Variants in NDST1 observed in about 807,000 individuals in gnomAD.
NDST1 encodes bifunctional heparan sulfate N-deacetylase/N-sulfotransferase 1.
A neutral mutation model predicts 92.8 loss-of-function variants in NDST1; 35 were observed. The ratio of observed to expected loss-of-function variants is 0.38; its 90% CI spans 0.29 to 0.50. The LOEUF (loss-of-function observed/expected upper bound fraction) is 0.50. Ranked by LOEUF, NDST1 falls within the 20% of genes least tolerant of loss-of-function variation. The probability of loss-of-function intolerance (pLI) is 0.94; values close to 1 mark genes in which losing one functional copy is unlikely to be tolerated. For synonymous variants in NDST1, 493 were observed against 500.3 expected (o/e 0.99, Z 0.19); for missense variants, 822 against 1,182.7 (o/e 0.69, Z 4.47).
intron 1 of NDST1, among the ~76,000 whole-genome samples, chr5:150,516,692 G>A (rs1753981503): frequency 6.6e-6 from 1 of 152,132 alleles, no homozygotes; most frequent in Admixed American, 6.6e-5. Context: ...TTGAGACAGA[G>A]TCTCGCTCTA....
rs1294255266 is a variant in NDST1, at chr5:150,533,007, C to A, written c.1071C>A (p.Gly357=). 2 of 1,614,078 alleles carry A rather than the reference C, an allele frequency of 1.2e-6. No individual in the cohort carries two copies. The highest frequency in any genetic ancestry group is 2.7e-5 in the African/African-American group (2 of 74,908). ...AHIPNFTFNL[G]YSGKFFHTGT... ...TCCCAAACTTCACCTTCAACCTGGG[C>A]TACTCAGGGAAATTCTTCCACACAG... Residue 357 remains glycine (G), a synonymous_variant, in exon 4 of 15, where the codon GGC becomes GGA. Coordinates refer to ENST00000261797, the MANE Select transcript of NDST1 (RefSeq NM_001543.5).
chr5:150,543,980 A>T (rs541458381), intron 10 of NDST1, among the ~76,000 whole-genome samples: 2 of 152,252 alleles, frequency 1.3e-5, no homozygotes, highest in East Asian at 3.9e-4. Context: ...AGGTTTTGCC[A>T]TGTTGGTCAG....
In NDST1 at chr5:150,533,118, C is replaced by T. The variant is rs113924650; in HGVS notation, c.1096+86C>T. 4.5e-5 allele frequency: 60 copies of T among 1,346,964 alleles called. 2 individuals are homozygous for T. The highest frequency in any genetic ancestry group is 3.7e-4 in the African/African-American group (26 of 69,662). The allele number at this position is 1,346,964 out of a possible 1,614,324, so 83.4% of individuals were successfully genotyped here. On this transcript the variant is annotated intron_variant, in intron 4 of 14. Transcript: ENST00000261797. ...TCAAAGCACCCATCCATGAGGGCAGCGGGTGGGTTTACTGGCCCACATTAG... is the reference window on the plus strand; with the variant it reads ...TCAAAGCACCCATCCATGAGGGCAGTGGGTGGGTTTACTGGCCCACATTAG...
rs1329844489 is a variant in NDST1, at chr5:150,534,906, C to T, written c.1136C>T (p.Ser379Leu). 9.9e-6 allele frequency: 16 copies of T among 1,614,122 alleles called. No homozygotes were observed. The Admixed American group carries it at 2.2e-4, about 22-fold the overall frequency. ...AEDAGDDLLL[S>L]YVKEFWWFPH... is the part of the protein sequence containing the mutation. ...GACGCTGGGGATGATCTGCTGCTGTCGTATGTGAAGGAGTTCTGGTGGTTC... is the reference window on the plus strand; with the variant it reads ...GACGCTGGGGATGATCTGCTGCTGTTGTATGTGAAGGAGTTCTGGTGGTTC... Residue 379 changes from serine (S) to leucine (L), a missense_variant, in exon 5 of 15, where the codon TCG (serine) becomes TTG (leucine). Coordinates refer to ENST00000261797, the MANE Select transcript of NDST1 (RefSeq NM_001543.5).
intron 12 of NDST1, among the ~76,000 whole-genome samples, chr5:150,549,176 T>A (rs1056366973): frequency 5.3e-5 from 8 of 151,966 alleles, no homozygotes; most frequent in African/African-American, 1.7e-4. Context: ...CACGCCCAGA[T>A]AATTTTTGTA....
In NDST1 at chr5:150,521,649, G is replaced by C; in HGVS notation, c.395G>C (p.Arg132Pro). 6.2e-7 allele frequency: 1 copy of C among 1,614,084 alleles called. No homozygotes were observed. The highest frequency in any genetic ancestry group is 8.5e-7 in the Non-Finnish European group (1 of 1,180,040). Reference sequence around the variant, plus strand: ...ACGCTCACTGACAAGGGCCGTGGCCGCTTCGCCCTCATCATCTATGAGAAC... The same window carrying C: ...ACGCTCACTGACAAGGGCCGTGGCCCCTTCGCCCTCATCATCTATGAGAAC... ...MPTLTDKGRG[R>P]FALIIYENIL... Residue 132 changes from arginine to proline, a missense_variant, in exon 2 of 15, where the codon CGC becomes CCC. Arg to Pro is a moderately radical substitution (Grantham distance 103). Transcript: ENST00000261797. The surrounding 1 kb of genome is among the most constrained non-coding windows in gnomAD (Gnocchi z 5.9).
At chr5:150,540,386 A>G (rs1755190290) in intron 8 of NDST1, 122 bp downstream of exon 8, 1 of 1,076,096 alleles carries the variant, frequency 9.3e-7, no homozygotes, top group Non-Finnish European at 1.3e-6. Flanking sequence ...GCTCGAATGT[A>G]AACTCAGGTC....
chr5:150,520,652 C>T (rs566265638), intron 1 of NDST1, among the ~76,000 whole-genome samples: 1 of 152,332 alleles, frequency 6.6e-6, no homozygotes, highest in South Asian at 2.1e-4. Flanking sequence ...CCTCCAACCC[C>T]TTATGAGATG....
rs1754910757 is a variant in NDST1 at position 150,534,810 on chromosome 5, C to G, written c.1097-57C>G. The G allele has an allele frequency of 1.5e-5, 24 of 1,611,498 alleles. No individual in the cohort carries two copies. The South Asian group carries it at 1.9e-4, about 13-fold the overall frequency. On this transcript the variant is annotated intron_variant, in intron 4 of 14. Coordinates refer to ENST00000261797, the MANE Select transcript of NDST1 (RefSeq NM_001543.5). ...GCTCTCCCATCCCCAGGCACAGGCC[C>G]AGGTTAGAGGGCCTCATGGCCCAGT...
At position 150,540,267 on chromosome 5, in the gene NDST1, G is replaced by T. The variant is rs760521729; in HGVS notation, c.1749+3G>T. 12 of 1,598,780 alleles carry T rather than the reference G, an allele frequency of 7.5e-6. No homozygotes were observed. Among genetic ancestry groups the T allele is most frequent in the South Asian group, 1.1e-5 (1 of 89,240 alleles). On this transcript the variant is annotated splice_donor_region_variant and intron_variant, in intron 8 of 14. Transcript: ENST00000261797. ...AGGAGAAGGACCCGCTCTGGCAGGT[G>T]GGGGGCTGGGCAGCCTGGGCAGGTT...
At chr5:150,500,944 A>G (rs1429621072) in intron 1 of NDST1, among the ~76,000 whole-genome samples, 2 of 152,226 alleles carry the variant, frequency 1.3e-5, no homozygotes, top group African/African-American at 2.4e-5. Context: ...GGGCAGTGGC[A>G]GATCATCTAG....
chr5:150,521,982 C>T lies in NDST1; in HGVS notation c.513+215C>T, dbSNP rs185942463. ...TTAGGGGAGCGTGCCAGGGGGATCG[C>T]CTGCTGTGCGTGGGGTCCAGCACAC... On this transcript the variant is annotated intron_variant, in intron 2 of 14. Transcript: ENST00000261797. This position sits in a 1 kb window ranked among gnomAD's most constrained non-coding sequence, Gnocchi z 5.9. Among the ~76,000 whole-genome samples, 746 of 152,264 alleles carry T rather than the reference C, an allele frequency of 4.9e-3. 3 individuals carry two copies. The highest frequency in any genetic ancestry group is 0.017 in the African/African-American group (720 of 41,546).
At chr5:150,552,889 C>T (rs114997080) in intron 14 of NDST1, among the ~76,000 whole-genome samples, 1,891 of 151,976 alleles carry the variant, frequency 0.012, 13 homozygotes, top group Non-Finnish European at 0.021. Flanking sequence ...TTTTGTCACC[C>T]AGGCTGGAGT....
In NDST1 at chr5:150,551,769, G is replaced by A; in HGVS notation, c.2443G>A (p.Gly815Arg). The A allele has an allele frequency of 1.2e-6, 2 of 1,613,292 alleles. No individual in the cohort carries two copies. Among genetic ancestry groups the A allele is most frequent in the Non-Finnish European group, 1.7e-6 (2 of 1,179,382 alleles). The change falls in exon 14 of 15, where the codon GGA (glycine) becomes AGA (arginine). Residue 815 changes from glycine to arginine, a missense_variant. Coordinates refer to ENST00000261797, the MANE Select transcript of NDST1 (RefSeq NM_001543.5). ...CCTCCACAGGTTTGATCCAAAGAAA[G>A]GATTTTGGTGCCAACTGCTTGAAGG... The part of the protein sequence containing the change: ...HKTLAFDPKK[G>R]FWCQLLEGGK...
chr5:150,507,446 C>T (rs948297327), upstream of NDST1, among the ~76,000 whole-genome samples: 3 of 152,206 alleles, frequency 2.0e-5, no homozygotes, highest in African/African-American at 4.8e-5. Flanking sequence ...TCTGTGTGAC[C>T]GTGGCCAAGT....
At position 150,557,711 on chromosome 5, in the gene NDST1, GCTTGACAGCT is replaced by G. The variant is rs1017895174; in HGVS notation, c.*4380_*4389del. The G allele has an allele frequency of 3.3e-5, 5 of 152,512 alleles. No homozygotes were observed. The allele number at this position is 152,512 out of a possible 1,614,324, so 9.4% of individuals were successfully genotyped here. A position where few individuals can be genotyped will look rare whatever the true frequency, so the allele number is the denominator to read the frequency against. ...CCGTTGAGGCAACACTGGGTTCCTG[GCTTGACAGCT>G]GTGGGCTGGCTGCCCTTGCCAGCTC... On this transcript the variant is annotated 3_prime_UTR_variant, in exon 15 of 15. Coordinates refer to ENST00000261797, the MANE Select transcript of NDST1 (RefSeq NM_001543.5). The surrounding 1 kb of genome is among the most constrained non-coding windows in gnomAD (Gnocchi z 4.7).
rs757339407 is a variant in NDST1, at chr5:150,521,022, A to G, written c.-233A>G. The G allele has an allele frequency of 2.0e-4, 118 of 598,424 alleles. 1 individual carries two copies. In the East Asian group the frequency reaches 2.5e-3, roughly 13 times the overall value. The allele number at this position is 598,424 out of a possible 1,614,324, so 37.1% of individuals were successfully genotyped here. A position where few individuals can be genotyped will look rare whatever the true frequency, so the allele number is the denominator to read the frequency against. ...CCACGCGGGGGTTTGCCATGGTGAC[A>G]TAAAGGGGCGCGGAGGAAGGAAGGA... On this transcript the variant is annotated 5_prime_UTR_variant, in exon 2 of 15. Coordinates refer to ENST00000261797, the MANE Select transcript of NDST1 (RefSeq NM_001543.5). This position sits in a 1 kb window ranked among gnomAD's most constrained non-coding sequence, Gnocchi z 5.9.
intron 13 of NDST1, 61 bp from the exon 14 acceptor site, chr5:150,551,692 T>C: frequency 1.3e-6 from 2 of 1,591,564 alleles, no homozygotes; most frequent in Non-Finnish European, 1.7e-6. Context: ...TGAACATGGC[T>C]TTAAGGTCGG....
Position 150,554,381 on chromosome 5 carries a change from A to G in NDST1, c.*1049A>G, listed in dbSNP as rs1755829113. ...TATAATGTGTATATATATATATTCT[A>G]TTTTTTTTGGTTGGGTTCGTTTTTA... On this transcript the variant is annotated 3_prime_UTR_variant, in exon 15 of 15. Coordinates refer to ENST00000261797, the MANE Select transcript of NDST1 (RefSeq NM_001543.5). The G allele has an allele frequency of 7.2e-6, 1 of 139,582 alleles. No individual in the cohort carries two copies. The highest frequency in any genetic ancestry group is 2.3e-4 in the South Asian group (1 of 4,362). 8.6% of individuals were successfully genotyped at this position (139,582 alleles called of 1,614,324 possible). A position where few individuals can be genotyped will look rare whatever the true frequency, so the allele number is the denominator to read the frequency against.
Sources: allele counts gnomAD v4.1 joint callset (sites outside exome capture counted in the v4.1 genomes callset), GRCh38; gene constraint gnomAD v4.1.1; non-coding constraint Gnocchi (gnomAD v3.1); transcripts MANE v1.5; gene names NCBI Gene and HGNC (gene_info 2026-07-23, HGNC 2026-07-21).